The following PHKA2 variants were observed in gnomAD, a reference collection of about 807,000 sequenced individuals.
PHKA2 encodes phosphorylase b kinase regulatory subunit alpha, liver isoform.
A neutral mutation model predicts 102.0 loss-of-function variants in PHKA2; 31 were observed. The ratio of observed to expected loss-of-function variants is 0.30; its 90% CI spans 0.23 to 0.41. PHKA2 has a LOEUF of 0.41. Among genes scored for constraint, PHKA2 ranks in the 10% least tolerant of loss-of-function variants. PHKA2 has a pLI of 1.00. For missense variants in PHKA2, 858 were observed against 1,023.1 expected (o/e 0.84, Z 2.20); for synonymous variants, 455 against 416.2 (o/e 1.09, Z -1.13).
intron 13 of PHKA2, among the ~76,000 whole-genome samples, chrX:18,928,785 C>T (rs1309460816): frequency 8.9e-6 from 1 of 112,421 alleles, no homozygotes; most frequent in African/African-American, 3.2e-5. Context: ...GGGCTGGTCT[C>T]GCCCCTCTCC....
chrX:18,981,953 G>A (rs1427835342), intron 1 of PHKA2, among the ~76,000 whole-genome samples: 2 of 111,781 alleles, frequency 1.8e-5, no homozygotes, highest in Non-Finnish European at 3.8e-5. Flanking sequence ...GGCAGAGCAG[G>A]GGATTCAAAC....
At chrX:18,897,608 C>T in intron 29 of PHKA2, 1 of 379,963 alleles carries the variant, frequency 2.6e-6, no homozygotes, top group Non-Finnish European at 4.6e-6. Context: ...GGAGGCCGAA[C>T]AGGGCGAGCA....
chrX:18,918,647 T>C (rs772239477), intron 19 of PHKA2, 34 bp downstream of exon 19: 4 of 1,145,891 alleles, frequency 3.5e-6, no homozygotes, highest in Admixed American at 4.3e-5. Flanking sequence ...TAAAAGAAGG[T>C]ATTTTAACAG....
Position 18,938,683 on chromosome X carries a change from G to A in PHKA2, c.985C>T (p.Pro329Ser), listed in dbSNP as rs1176290982. The A allele has an allele frequency of 3.3e-6, 4 of 1,199,407 alleles. No homozygotes were observed. Among genetic ancestry groups the A allele is most frequent in the Admixed American group, 2.2e-5 (1 of 46,063 alleles). ...KLFENIECEWPVFWTYFIIDG... is the reference protein window; with the variant it reads ...KLFENIECEWSVFWTYFIIDG... Reference sequence around the variant, plus strand: ...ATTATAAAATATGTCCAAAACACAGGCCACTCACATTCAATGTTTTCGAAG... The same window carrying A: ...ATTATAAAATATGTCCAAAACACAGACCACTCACATTCAATGTTTTCGAAG... The change falls in exon 10 of 33, where the codon CCT (proline) becomes TCT (serine). Residue 329 changes from proline to serine, a missense_variant. Coordinates refer to ENST00000379942, the MANE Select transcript of PHKA2 (RefSeq NM_000292.3).
intron 19 of PHKA2, among the ~76,000 whole-genome samples, chrX:18,911,400 C>T (rs111681441): frequency 4.5e-5 from 5 of 111,165 alleles, no homozygotes; most frequent in Non-Finnish European, 9.4e-5. Context: ...CTCGAACTCC[C>T]GACCTCAGGT....
At chrX:18,970,327 C>G (rs1363828247) in intron 1 of PHKA2, among the ~76,000 whole-genome samples, 2 of 112,452 alleles carry the variant, frequency 1.8e-5, no homozygotes, top group Non-Finnish European at 3.8e-5. Flanking sequence ...ATATGTATTG[C>G]CCTACATACT....
At position 18,966,081 on chromosome X, in the gene PHKA2, G is replaced by GTTT. The variant is rs1178984805; in HGVS notation, c.79-11672_79-11670dup. The stretch of plus-strand genomic sequence containing the variant: ...CAACTCTCTTGGTGGTGGCTCTTTT[G>GTTT]TTTTTTTTTTGTTTTTTTTTTTTTG... On this transcript the variant is annotated intron_variant, in intron 1 of 32. Coordinates refer to ENST00000379942, the MANE Select transcript of PHKA2 (RefSeq NM_000292.3). 4.0e-4 allele frequency among the ~76,000 whole-genome samples: 34 copies of GTTT among 85,066 alleles called. 1 individual carries two copies. Among genetic ancestry groups the GTTT allele is most frequent in the African/African-American group, 1.4e-3 (28 of 20,212 alleles). The allele number at this position is 85,066 out of a possible 115,157, so 73.9% of individuals were successfully genotyped here.
chrX:18,943,657 C>T (rs1349133594), intron 7 of PHKA2, 53 bp downstream of exon 7: 21 of 963,567 alleles, frequency 2.2e-5, no homozygotes, highest in Non-Finnish European at 2.8e-5. Context: ...GATCCCAGGC[C>T]TTCCATGCCA....
At chrX:18,898,722 G>A (rs1053163423) in intron 29 of PHKA2, among the ~76,000 whole-genome samples, 10 of 112,394 alleles carry the variant, frequency 8.9e-5, no homozygotes, top group Admixed American at 3.8e-4. Flanking sequence ...GCTGATCCGG[G>A]CCCTCCAGTT....
In PHKA2 at chrX:18,900,652, A is replaced by G. The variant is rs971550153; in HGVS notation, c.3057+18T>C. On this transcript the variant is annotated intron_variant, in intron 28 of 32. Transcript: ENST00000379942. ...AAAGAACAGGAAGTAAAGGACGAAC[A>G]AGGCAAAGGGGTGTCACCTGTTCAT... is the stretch of plus-strand genomic sequence containing the variant. The G allele has an allele frequency of 2.2e-5, 26 of 1,199,551 alleles. No individual in the cohort carries two copies. Among genetic ancestry groups the G allele is most frequent in the Non-Finnish European group, 2.9e-5 (26 of 884,461 alleles).
At chrX:18,930,293 C>A (rs778162411) in intron 12 of PHKA2, among the ~76,000 whole-genome samples, 12 of 111,560 alleles carry the variant, frequency 1.1e-4, no homozygotes, top group Non-Finnish European at 2.3e-4. Flanking sequence ...AAGATAATGA[C>A]CCAAGGGAAG....
At chrX:18,954,858 C>T (rs986250286) in intron 1 of PHKA2, among the ~76,000 whole-genome samples, 2 of 112,212 alleles carry the variant, frequency 1.8e-5, no homozygotes, top group African/African-American at 3.2e-5. Context: ...CCCCACTCCG[C>T]TCTCTAGCTG....
chrX:18,975,188 T>C (rs747923809), intron 1 of PHKA2, among the ~76,000 whole-genome samples: 1 of 111,774 alleles, frequency 8.9e-6, no homozygotes, highest in South Asian at 3.8e-4. Flanking sequence ...CATCTTGAAT[T>C]GTACTCCCAC....
At chrX:18,903,169 C>A (rs946642554) in intron 26 of PHKA2, among the ~76,000 whole-genome samples, 2 of 112,272 alleles carry the variant, frequency 1.8e-5, no homozygotes, top group Non-Finnish European at 3.8e-5. Context: ...CTGTGACCTG[C>A]CTTTTTGTAC....
Position 18,936,162 on chromosome X carries a change from C to T in PHKA2, c.1042-12G>A. The T allele has an allele frequency of 1.8e-6, 2 of 1,112,168 alleles. No homozygotes were observed. The highest frequency in any genetic ancestry group is 2.5e-6 in the Non-Finnish European group (2 of 807,048). 91.7% of individuals were successfully genotyped at this position (1,112,168 alleles called of 1,213,427 possible). Reference sequence around the variant, plus strand: ...CGGTATTCTTGGACCTGGAAAACAGCCCCATCATCCATGGCAGGAAGGAGG... The same window carrying T: ...CGGTATTCTTGGACCTGGAAAACAGTCCCATCATCCATGGCAGGAAGGAGG... On this transcript the variant is annotated splice_polypyrimidine_tract_variant and intron_variant, in intron 10 of 32. Coordinates refer to ENST00000379942, the MANE Select transcript of PHKA2 (RefSeq NM_000292.3).
rs748533186 is a variant in PHKA2 at position 18,899,207 on chromosome X, G to T, written c.3077C>A (p.Ala1026Asp). The T allele has an allele frequency of 3.3e-6, 4 of 1,209,514 alleles. No homozygotes were observed. Among genetic ancestry groups the T allele is most frequent in the Non-Finnish European group, 4.5e-6 (4 of 893,505 alleles). ...GGAGGAATGCGCACTGCTGGACGCG[G>T]CCTGGCCCACAGAAAAGAACTACAA... ...ADEQFFSVGQ[A>D]ASSSAHSSKS... is the part of the protein sequence containing the mutation. The change falls in exon 29 of 33, where the codon GCC becomes GAC. Residue 1026 changes from alanine (A) to aspartate (D), a missense_variant. By Grantham distance (126) the Ala-to-Asp change is moderately radical. Coordinates refer to ENST00000379942, the MANE Select transcript of PHKA2 (RefSeq NM_000292.3).
At chrX:18,946,625 C>G (rs1223782206) in intron 5 of PHKA2, among the ~76,000 whole-genome samples, 1 of 109,707 alleles carries the variant, frequency 9.1e-6, no homozygotes, top group East Asian at 2.9e-4. Flanking sequence ...TCCTCTGTAC[C>G]CTTTTCCTCA....
At chrX:18,912,805 G>T (rs781722400) in intron 19 of PHKA2, among the ~76,000 whole-genome samples, 1 of 111,137 alleles carries the variant, frequency 9.0e-6, no homozygotes, top group Non-Finnish European at 1.9e-5. Context: ...CAGCTACTCC[G>T]GAGGCTGAGG....
intron 5 of PHKA2, among the ~76,000 whole-genome samples, chrX:18,947,851 C>T (rs1048439551): frequency 5.4e-5 from 6 of 111,985 alleles, no homozygotes; most frequent in Non-Finnish European, 7.5e-5. Context: ...GCATTTGCAG[C>T]GACCTGGATG....
Sources: allele counts gnomAD v4.1 joint callset (sites outside exome capture counted in the v4.1 genomes callset), GRCh38; gene constraint gnomAD v4.1.1; transcripts MANE v1.5; gene names NCBI Gene and HGNC (gene_info 2026-07-23, HGNC 2026-07-21).